PRELID2: variants seen among roughly 807,000 people sequenced by gnomAD.
The protein encoded by PRELID2 is PRELI domain containing 2, also known as PRELI domain-containing protein 2.
PRELID2 carries 25 observed loss-of-function variants against 28.4 expected under a neutral mutation model. That is an observed-to-expected ratio of 0.88 (90% CI 0.64 to 1.23). The LOEUF (loss-of-function observed/expected upper bound fraction) is 1.23, where lower values mean the gene tolerates loss of function less well. Among genes scored for constraint, PRELID2 ranks in the 50% most tolerant of loss-of-function variants. The pLI, the probability that PRELID2 is intolerant of heterozygous loss-of-function variation, is 0.00. For missense variants in PRELID2, 201 were observed against 214.4 expected, an observed-to-expected ratio of 0.94 and a Z score of 0.39; for synonymous variants, 76 against 71.6, an observed-to-expected ratio of 1.06 and a Z score of -0.31.
intron 1 of PRELID2, among the ~76,000 whole-genome samples, chr5:145,833,720 T>C (rs918360220): frequency 1.3e-5 from 2 of 152,206 alleles, no homozygotes; most frequent in Non-Finnish European, 2.9e-5. Flanking sequence ...CTACACCTTA[T>C]CGTTTAACAA....
At position 145,716,645 on chromosome 5, in the gene PRELID2, C is replaced by T. The variant is rs369529213; in HGVS notation, n.70+48286G>A. Among the ~76,000 whole-genome samples, 31 of 152,286 alleles carry T rather than the reference C, an allele frequency of 2.0e-4. No homozygotes were observed. In the South Asian group the frequency reaches 6.4e-3, roughly 32 times the overall value. On this transcript the variant is annotated intron_variant and non_coding_transcript_variant, in intron 1 of 2. Coordinates refer to the PRELID2 transcript ENST00000510259. The stretch of plus-strand genomic sequence containing the variant: ...TTCATAAGAAGACATAGTTTTCACA[C>T]AGTTGCAACCAAAGTATATACGCTA...
chr5:145,718,197 C>G (rs1380162895), intron 1 of PRELID2, among the ~76,000 whole-genome samples: 8 of 151,830 alleles, frequency 5.3e-5, no homozygotes, highest in African/African-American at 1.9e-4. Context: ...AATCTAGAGA[C>G]AAGCTATTAG....
the PRELID2 span, among the ~76,000 whole-genome samples, chr5:145,334,820 T>C: frequency 6.6e-6 from 1 of 151,836 alleles, no homozygotes; most frequent in South Asian, 2.1e-4. Context: ...TCACTCTTTC[T>C]TGGAGTGCAG....
chr5:145,593,345 A>G (rs1753257414), intron 1 of PRELID2, among the ~76,000 whole-genome samples: 1 of 152,184 alleles, frequency 6.6e-6, no homozygotes. Flanking sequence ...GTGGTAGGAA[A>G]TCTGTAAAAT....
chr5:145,321,030 A>G, the PRELID2 span, among the ~76,000 whole-genome samples: 17 of 152,180 alleles, frequency 1.1e-4, no homozygotes, highest in Non-Finnish European at 2.1e-4. Context: ...TTGAGGCTCA[A>G]AATATATTGG....
the PRELID2 span, among the ~76,000 whole-genome samples, chr5:145,294,185 C>A: frequency 6.6e-6 from 1 of 152,100 alleles, no homozygotes; most frequent in African/African-American, 2.4e-5. Context: ...GTAAGAAATG[C>A]CATCATGCAG....
chr5:145,519,628 C>A (rs1580966163), intron 1 of PRELID2, among the ~76,000 whole-genome samples: 1 of 152,096 alleles, frequency 6.6e-6, no homozygotes, highest in Admixed American at 6.5e-5. Flanking sequence ...CATGATAAAC[C>A]AATTGAGTAG....
chr5:145,521,387 C>T (rs1752561888), intron 1 of PRELID2, among the ~76,000 whole-genome samples: 1 of 152,108 alleles, frequency 6.6e-6, no homozygotes, highest in South Asian at 2.1e-4. Context: ...CCTGTTAATG[C>T]TTGAATGAAG....
intron 1 of PRELID2, among the ~76,000 whole-genome samples, chr5:145,501,243 T>C (rs7705761): frequency 0.23 from 34,908 of 152,094 alleles, 4,164 homozygotes; most frequent in South Asian, 0.38. Context: ...TTCATTACTG[T>C]CCTATAAAAC....
intron 1 of PRELID2, among the ~76,000 whole-genome samples, chr5:145,622,275 C>T (rs1753784095): frequency 6.6e-6 from 1 of 152,154 alleles, no homozygotes; most frequent in African/African-American, 2.4e-5. Context: ...ACTATGTGAA[C>T]ATATTAAAGA....
chr5:145,445,644 G>A, the PRELID2 span, among the ~76,000 whole-genome samples: 8 of 151,750 alleles, frequency 5.3e-5, no homozygotes, highest in Non-Finnish European at 8.8e-5. Flanking sequence ...TAATATCCAG[G>A]TTATATAAGG....
intron 4 of PRELID2, among the ~76,000 whole-genome samples, chr5:145,797,210 A>C (rs1752821836): frequency 6.6e-6 from 1 of 152,172 alleles, no homozygotes; most frequent in East Asian, 1.9e-4. Flanking sequence ...GGAAGTCCCA[A>C]GCCTTCATTA....
the PRELID2 span, among the ~76,000 whole-genome samples, chr5:145,396,468 T>C: frequency 6.7e-6 from 1 of 148,614 alleles, no homozygotes; most frequent in Admixed American, 6.7e-5. Context: ...AGAATGACAT[T>C]TACATTTTTC....
At chr5:145,411,597 G>C in the PRELID2 span, among the ~76,000 whole-genome samples, 1 of 152,216 alleles carries the variant, frequency 6.6e-6, no homozygotes, top group East Asian at 1.9e-4. Flanking sequence ...AGTGTCTGCA[G>C]CTTTTCCAGG....
At chr5:145,772,051 G>T (rs1264145148) in intron 5 of PRELID2, among the ~76,000 whole-genome samples, 2 of 152,202 alleles carry the variant, frequency 1.3e-5, no homozygotes, top group East Asian at 3.8e-4. Context: ...ATCTGATGCT[G>T]TCTAATCCTT....
At chr5:145,677,757 C>T (rs546669804) in intron 1 of PRELID2, among the ~76,000 whole-genome samples, 7 of 152,132 alleles carry the variant, frequency 4.6e-5, no homozygotes, top group Non-Finnish European at 1.0e-4. Context: ...TCACCTCAAG[C>T]ACTGGGGATA....
At chr5:145,627,857 T>C (rs1753873604) in intron 1 of PRELID2, among the ~76,000 whole-genome samples, 1 of 152,156 alleles carries the variant, frequency 6.6e-6, no homozygotes, top group Non-Finnish European at 1.5e-5. Context: ...CCCCTTTCCA[T>C]TTCCTTATAT....
At chr5:145,240,866 A>T in the PRELID2 span, among the ~76,000 whole-genome samples, 1 of 152,004 alleles carries the variant, frequency 6.6e-6, no homozygotes, top group Admixed American at 6.6e-5. Flanking sequence ...TGATTCCATA[A>T]ACCTTGTTTA....
chr5:145,764,792 C>G, intron 6 of PRELID2, 139 bp downstream of exon 6: 1 of 637,688 alleles, frequency 1.6e-6, no homozygotes, highest in Non-Finnish European at 2.8e-6. Flanking sequence ...AGATAAAACA[C>G]CTGTGAAATA....
Sources: gnomAD v4.1 joint callset for allele counts (sites outside exome capture counted in the v4.1 genomes callset) on GRCh38, gnomAD v4.1.1 for gene constraint, MANE v1.5 for transcripts, NCBI Gene and HGNC (gene_info 2026-07-23, HGNC 2026-07-21) for gene names.